Variants in PCDHA13 observed in about 807,000 individuals in gnomAD.
The protein encoded by PCDHA13 is protocadherin alpha 13.
A neutral mutation model predicts 64.8 loss-of-function variants in PCDHA13; 54 were observed. The ratio of observed to expected loss-of-function variants is 0.83; its 90% confidence interval spans 0.67 to 1.04. The LOEUF is 1.04. PCDHA13 is among the 50% of genes least tolerant of loss of function. PCDHA13 has a pLI of 0.00. For synonymous variants in PCDHA13, 587 were observed against 564.4 expected (o/e 1.04, Z -0.57); for missense variants, 1,248 against 1,254.3 (o/e 0.99, Z 0.08).
chr5:140,921,251 AG>A (rs2080121821), intron 1 of PCDHA13, among the ~76,000 whole-genome samples: 1 of 152,192 alleles, frequency 6.6e-6, no homozygotes. Context: ...CAGATCAAAA[AG>A]TCCTAGACTT....
At chr5:140,996,655 A>G (rs974466773) in intron 3 of PCDHA13, among the ~76,000 whole-genome samples, 5 of 152,226 alleles carry the variant, frequency 3.3e-5, no homozygotes, top group African/African-American at 1.2e-4. Context: ...TCCTGGGTGC[A>G]GGCTAGTTTT....
At chr5:140,964,677 A>G (rs578237071) in intron 1 of PCDHA13, among the ~76,000 whole-genome samples, 11 of 152,090 alleles carry the variant, frequency 7.2e-5, no homozygotes, top group Non-Finnish European at 1.0e-4. Flanking sequence ...CAGGTCCACA[A>G]TTTGTGCACT....
chr5:140,985,739 CTTTTTTTTT>C (rs11372071), intron 3 of PCDHA13, among the ~76,000 whole-genome samples: 4 of 117,922 alleles, frequency 3.4e-5, no homozygotes, highest in African/African-American at 3.2e-5. Flanking sequence ...TGATGAATTC[CTTTTTTTTT>C]TTTTTTTTTT....
intron 1 of PCDHA13, among the ~76,000 whole-genome samples, chr5:140,921,390 T>G (rs2080194479): frequency 6.6e-6 from 1 of 152,164 alleles, no homozygotes; most frequent in Non-Finnish European, 1.5e-5. Context: ...TTGATAAACA[T>G]TCACACTAGA....
chr5:140,950,646 G>T (rs1221939583), intron 1 of PCDHA13, among the ~76,000 whole-genome samples: 2 of 151,884 alleles, frequency 1.3e-5, no homozygotes, highest in African/African-American at 4.8e-5. Context: ...TCCTGTTTAT[G>T]GTTGGCTGAG....
At chr5:140,887,059 C>G (rs1474485995) in intron 1 of PCDHA13, among the ~76,000 whole-genome samples, 1 of 151,642 alleles carries the variant, frequency 6.6e-6, no homozygotes, top group Non-Finnish European at 1.5e-5. Flanking sequence ...TATGTTCTGG[C>G]AACAAATTCA....
Position 141,010,090 on chromosome 5 carries a change from C to A in PCDHA13, c.*153C>A. On this transcript the variant is annotated 3_prime_UTR_variant, in exon 4 of 4. Transcript: ENST00000289272. ...AAGTTCCCTGTGTCTGTCTAGAACG[C>A]ATTTAACAGGTTTTGTCGTAAAAGC... 1 of 1,612,636 alleles carries A rather than the reference C, an allele frequency of 6.2e-7. No homozygotes were observed. Among genetic ancestry groups the A allele is most frequent in the Non-Finnish European group, 8.5e-7 (1 of 1,179,276 alleles).
intron 1 of PCDHA13, among the ~76,000 whole-genome samples, chr5:140,906,526 CAATT>C (rs1554192570): frequency 6.6e-6 from 1 of 152,190 alleles, no homozygotes; most frequent in Non-Finnish European, 1.5e-5. Context: ...ATACTCACGA[CAATT>C]AAAATCCTCA....
At position 140,969,448 on chromosome 5, in the gene PCDHA13, G is replaced by A. The variant is rs781843317; in HGVS notation, c.2395-9501G>A. 468 of 1,537,938 alleles carry A rather than the reference G, an allele frequency of 3.0e-4. 1 individual carries two copies. Among genetic ancestry groups the A allele is most frequent in the Non-Finnish European group, 4.0e-4 (459 of 1,139,778 alleles). On this transcript the variant is annotated intron_variant, in intron 1 of 3. Coordinates refer to ENST00000289272, the MANE Select transcript of PCDHA13 (RefSeq NM_018904.3). ...AGTGACAAGAGTTATCTGGTAAACT[G>A]AGTATATATAGTATCCACAATTTGA...
chr5:140,921,694 A>G (rs1251407999), intron 1 of PCDHA13, among the ~76,000 whole-genome samples: 1 of 152,200 alleles, frequency 6.6e-6, no homozygotes, highest in Non-Finnish European at 1.5e-5. Context: ...TGGCCACCTC[A>G]ATTTTAAACA....
Position 140,884,450 on chromosome 5 carries a change from AC to A in PCDHA13, c.2184del (p.Glu729ArgfsTer11). Reference sequence around the variant, plus strand: ...TGCGCTGCGGTGCTCGGCACCGCCCACCGAGGGCGCGTGCGCGCCGGGCAAG... The same window carrying A: ...TGCGCTGCGGTGCTCGGCACCGCCCACGAGGGCGCGTGCGCGCCGGGCAAG... ...YTALRCSAPPTEGACAPGKPT... is the reference protein window; with the variant it reads ...YTALRCSAPPXEGACAPGKPT... On this transcript the variant is annotated frameshift_variant, in exon 1 of 4. Coordinates refer to ENST00000289272, the MANE Select transcript of PCDHA13 (RefSeq NM_018904.3). LOFTEE classifies it high-confidence loss of function. 1 of 1,613,762 alleles carries A rather than the reference AC, an allele frequency of 6.2e-7. No individual in the cohort carries two copies. The highest frequency in any genetic ancestry group is 8.5e-7 in the Non-Finnish European group (1 of 1,179,808).
intron 1 of PCDHA13, chr5:140,928,544 A>G (rs1554205985): frequency 3.1e-6 from 5 of 1,614,062 alleles, no homozygotes; most frequent in Middle Eastern, 1.6e-4. Flanking sequence ...AGGAATGACA[A>G]TTATCCGGTT....
Position 141,010,391 on chromosome 5 carries a change from C to T in PCDHA13, c.*454C>T, listed in dbSNP as rs976643195. The T allele has an allele frequency of 2.2e-5, 30 of 1,386,642 alleles. No homozygotes were observed. Among genetic ancestry groups the T allele is most frequent in the South Asian group, 2.9e-5 (2 of 68,924 alleles). The allele number at this position is 1,386,642 out of a possible 1,614,324, so 85.9% of individuals were successfully genotyped here. A position where few individuals can be genotyped will look rare whatever the true frequency, so the allele number is the denominator to read the frequency against. The stretch of plus-strand genomic sequence containing the variant: ...TGCGAGTGCCAGATATTGGCTGAGA[C>T]GAGCCAGCTTAGACTAATTGGTACA... On this transcript the variant is annotated 3_prime_UTR_variant, in exon 4 of 4. Transcript: ENST00000289272.
chr5:140,957,937 A>G (rs2095399590), intron 1 of PCDHA13, among the ~76,000 whole-genome samples: 1 of 152,112 alleles, frequency 6.6e-6, no homozygotes, highest in Admixed American at 6.5e-5. Flanking sequence ...AAATAATTTA[A>G]AGATCTTTAA....
rs537764090 is a variant in PCDHA13 at position 140,925,273 on chromosome 5, AT to A, written c.2394+40615del. Reference sequence around the variant, plus strand: ...ACTTTAATTCTTGATCTGTGTTCAGATTTTGCCTTTCAAATGTTTCATTATT... The same window carrying A: ...ACTTTAATTCTTGATCTGTGTTCAGATTTGCCTTTCAAATGTTTCATTATT... On this transcript the variant is annotated intron_variant, in intron 1 of 3. Transcript: ENST00000289272. Among the ~76,000 whole-genome samples, 1,221 of 152,228 alleles carry A rather than the reference AT, an allele frequency of 8.0e-3. 6 individuals are homozygous for A. Among genetic ancestry groups the A allele is most frequent in the African/African-American group, 0.019 (789 of 41,534 alleles).
intron 1 of PCDHA13, among the ~76,000 whole-genome samples, chr5:140,891,310 G>A (rs1361380938): frequency 6.6e-6 from 1 of 152,030 alleles, no homozygotes; most frequent in Non-Finnish European, 1.5e-5. Flanking sequence ...GATTACATGA[G>A]TAAGTTCTTT....
intron 1 of PCDHA13, among the ~76,000 whole-genome samples, chr5:140,885,108 T>C (rs986059469): frequency 6.6e-6 from 1 of 152,226 alleles, no homozygotes; most frequent in Non-Finnish European, 1.5e-5. Flanking sequence ...AAATGCTTTT[T>C]TTAAGTGCAC....
At chr5:140,971,034 A>G (rs576529050) in intron 1 of PCDHA13, among the ~76,000 whole-genome samples, 1 of 152,202 alleles carries the variant, frequency 6.6e-6, no homozygotes, top group Non-Finnish European at 1.5e-5. Context: ...ATTTGAAAGC[A>G]CGTAAAAGGG....
At chr5:140,930,168 C>T (rs2086634095) in intron 1 of PCDHA13, 1 of 152,048 alleles carries the variant, frequency 6.6e-6, no homozygotes, top group Non-Finnish European at 1.5e-5. Context: ...TAATATTTTA[C>T]AAAGAGGAAA....
Sources: allele counts gnomAD v4.1 joint callset (sites outside exome capture counted in the v4.1 genomes callset), GRCh38; gene constraint gnomAD v4.1.1; transcripts MANE v1.5; gene names NCBI Gene and HGNC (gene_info 2026-07-23, HGNC 2026-07-21).